Variants in GLIS3 observed in about 807,000 individuals in gnomAD.
GLIS3 encodes zinc finger protein GLIS3.
GLIS3 carries 53 observed loss-of-function variants against 78.6 expected under a neutral mutation model. The ratio of observed to expected loss-of-function variants is 0.67; its 90% CI spans 0.54 to 0.85. The LOEUF (loss-of-function observed/expected upper bound fraction) is 0.85. Among genes scored for constraint, GLIS3 ranks in the 40% least tolerant of loss-of-function variants. GLIS3 has a pLI of 0.00. For synonymous variants in GLIS3, 684 were observed against 509.9 expected, an observed-to-expected ratio of 1.34 and a Z score of -4.60; for missense variants, 1,703 against 1,231.1, an observed-to-expected ratio of 1.38 and a Z score of -5.74.
intron 4 of GLIS3, among the ~76,000 whole-genome samples, chr9:4,039,749 T>C (rs564416889): frequency 2.0e-5 from 3 of 152,356 alleles, no homozygotes; most frequent in East Asian, 3.9e-4. Flanking sequence ...GTTAGGGTCA[T>C]AGAAATGTCT....
chr9:4,470,457 A>T, the GLIS3 span, among the ~76,000 whole-genome samples: 1 of 152,246 alleles, frequency 6.6e-6, no homozygotes, highest in African/African-American at 2.4e-5. Context: ...AACATATGCA[A>T]ATCAATAAAT....
intron 4 of GLIS3, among the ~76,000 whole-genome samples, chr9:4,015,734 A>T (rs1306082669): frequency 6.6e-6 from 1 of 151,824 alleles, no homozygotes; most frequent in Non-Finnish European, 1.5e-5. Context: ...CTAAAAATAC[A>T]AAGTATTAGT....
intron 2 of GLIS3, among the ~76,000 whole-genome samples, chr9:4,153,646 C>T (rs1296251539): frequency 1.3e-5 from 2 of 152,082 alleles, no homozygotes; most frequent in East Asian, 3.9e-4. Context: ...AAATCATGAC[C>T]TCAAATATAT....
intron 6 of GLIS3, among the ~76,000 whole-genome samples, chr9:3,906,888 C>G (rs188438249): frequency 4.8e-4 from 73 of 152,318 alleles, no homozygotes; most frequent in African/African-American, 1.7e-3. Flanking sequence ...ATCTCACTGT[C>G]TGCAAACTTC....
intron 2 of GLIS3, among the ~76,000 whole-genome samples, chr9:4,178,727 G>T (rs1010658016): frequency 2.0e-5 from 3 of 152,162 alleles, no homozygotes; most frequent in African/African-American, 7.2e-5. Context: ...AATTTTTCCT[G>T]ATGTATATAG....
chr9:4,161,890 T>TG (rs1405520008), intron 2 of GLIS3, among the ~76,000 whole-genome samples: 1 of 151,848 alleles, frequency 6.6e-6, no homozygotes, highest in East Asian at 1.9e-4. Flanking sequence ...TTCACCATGT[T>TG]GGTCAGGCTG....
chr9:3,839,304 G>C (rs945544978), intron 9 of GLIS3, among the ~76,000 whole-genome samples: 2 of 152,020 alleles, frequency 1.3e-5, no homozygotes, highest in Non-Finnish European at 2.9e-5. Flanking sequence ...TTTGTGGATG[G>C]AGCCTTTGTA....
intron 4 of GLIS3, among the ~76,000 whole-genome samples, chr9:4,001,049 T>C (rs527705940): frequency 7.2e-5 from 11 of 152,360 alleles, no homozygotes; most frequent in Admixed American, 2.6e-4. Flanking sequence ...TTCCCGTGTG[T>C]TAATTTTATG....
chr9:4,074,639 T>C (rs562290350), intron 4 of GLIS3, among the ~76,000 whole-genome samples: 4 of 152,348 alleles, frequency 2.6e-5, no homozygotes, highest in Admixed American at 6.5e-5. Flanking sequence ...CCCTATTCCA[T>C]TGATTTGGAA....
At chr9:3,865,225 G>A (rs1220460139) in intron 8 of GLIS3, among the ~76,000 whole-genome samples, 1 of 152,146 alleles carries the variant, frequency 6.6e-6, no homozygotes, top group African/African-American at 2.4e-5. Flanking sequence ...CTTTGCCTCT[G>A]GGTTTCTGCT....
chr9:4,196,348 A>G (rs954755928), intron 2 of GLIS3, among the ~76,000 whole-genome samples: 8 of 152,136 alleles, frequency 5.3e-5, no homozygotes, highest in African/African-American at 1.4e-4. Flanking sequence ...GTGGGGTCAG[A>G]TAAGGGAATA....
chr9:3,832,947 T>C (rs1319221730), intron 9 of GLIS3, among the ~76,000 whole-genome samples: 1 of 152,230 alleles, frequency 6.6e-6, no homozygotes, highest in African/African-American at 2.4e-5. Context: ...CACCCTTTCC[T>C]ATCTTCTCTC....
intron 2 of GLIS3, among the ~76,000 whole-genome samples, chr9:4,201,129 A>C (rs4741916): frequency 1 from 152,191 of 152,292 alleles, 76,045 homozygotes; most frequent in Non-Finnish European, 1. Flanking sequence ...TTATAAAATC[A>C]AACATGCCTT....
At chr9:4,047,596 G>A (rs1368573952) in intron 4 of GLIS3, among the ~76,000 whole-genome samples, 3 of 152,180 alleles carry the variant, frequency 2.0e-5, no homozygotes, top group African/African-American at 7.2e-5. Context: ...CTATTATGCT[G>A]GGAGCTAGAG....
At chr9:4,348,783 CAG>C (rs1378081773), upstream of GLIS3, among the ~76,000 whole-genome samples, 9 of 147,962 alleles carry the variant, frequency 6.1e-5, no homozygotes, top group African/African-American at 2.4e-4. Context: ...GAAAAAAAAA[CAG>C]ATTAAAAAGA....
At chr9:4,143,000 T>C (rs1833922820) in intron 2 of GLIS3, among the ~76,000 whole-genome samples, 1 of 152,144 alleles carries the variant, frequency 6.6e-6, no homozygotes, top group Non-Finnish European at 1.5e-5. Context: ...TGTTGGGTAC[T>C]AGTTAGCCAA....
rs564361087 is a variant in GLIS3 at position 3,963,622 on chromosome 9, T to G, written c.1711-26433A>C. 2.5e-3 allele frequency among the ~76,000 whole-genome samples: 385 copies of G among 152,312 alleles called. 3 individuals are homozygous for G. Among genetic ancestry groups the G allele is most frequent in the African/African-American group, 8.3e-3 (347 of 41,560 alleles). ...AAGAGGAAAATTAAGTGCTGAATGA[T>G]AGAAGTTTCCTCTTTGACTCTCAAA... is the stretch of plus-strand genomic sequence containing the variant. On this transcript the variant is annotated intron_variant, in intron 4 of 10. Transcript: ENST00000381971.
chr9:4,484,841 G>C, the GLIS3 span, among the ~76,000 whole-genome samples: 1 of 152,104 alleles, frequency 6.6e-6, no homozygotes, highest in Non-Finnish European at 1.5e-5. Context: ...CCAATGAAAA[G>C]ACACAAGATT....
At chr9:3,878,133 T>G (rs1389292073) in intron 8 of GLIS3, among the ~76,000 whole-genome samples, 2 of 152,186 alleles carry the variant, frequency 1.3e-5, no homozygotes, top group African/African-American at 2.4e-5. Flanking sequence ...GTGCCCCCAC[T>G]GAGGCATCCA....
Sources: gnomAD v4.1 joint callset for allele counts (sites outside exome capture counted in the v4.1 genomes callset) on GRCh38, gnomAD v4.1.1 for gene constraint, MANE v1.5 for transcripts, NCBI Gene and HGNC (gene_info 2026-07-23, HGNC 2026-07-21) for gene names.